LGALS3BP: variants seen among roughly 807,000 people sequenced by gnomAD.
LGALS3BP encodes the protein galectin 3 binding protein, also known as galectin-3-binding protein.
In LGALS3BP, 25 loss-of-function variants were observed where a neutral mutation model predicts 22.9. The observed-to-expected ratio is 1.09, with a 90% CI of 0.80 to 1.53. LGALS3BP has a LOEUF of 1.53. Ranked by LOEUF, LGALS3BP falls within the 40% of genes most tolerant of loss-of-function variation. The pLI, the probability that LGALS3BP is intolerant of heterozygous loss-of-function variation, is 0.00. For synonymous variants in LGALS3BP, 335 were observed against 331.1 expected, an observed-to-expected ratio of 1.01 and a Z score of -0.13; for missense variants, 718 against 752.0, an observed-to-expected ratio of 0.95 and a Z score of 0.53.
chr17:78,975,791 CAAAAAAAAAAAAA>C (rs60470107), intron 3 of LGALS3BP, among the ~76,000 whole-genome samples, 161 bp downstream of exon 3: 5 of 52,216 alleles, frequency 9.6e-5, no homozygotes, highest in Admixed American at 3.0e-4. Flanking sequence ...GACTCCATCT[CAAAAAAAAAAAAA>C]AAAAAAAAAA....
At position 78,974,439 on chromosome 17, in the gene LGALS3BP, G is replaced by A. The variant is rs561936720; in HGVS notation, c.376+249C>T. ...AACTGTGGCTCACTGCCCCACACTCGGGTTCTGCATGGAGACTTGGTGGTT... is the reference window on the plus strand; with the variant it reads ...AACTGTGGCTCACTGCCCCACACTCAGGTTCTGCATGGAGACTTGGTGGTT... On this transcript the variant is annotated intron_variant, in intron 4 of 5. Coordinates refer to ENST00000262776, the MANE Select transcript of LGALS3BP (RefSeq NM_005567.4). Among the ~76,000 whole-genome samples, 46 of 152,362 alleles carry A rather than the reference G, an allele frequency of 3.0e-4. 1 individual carries two copies. The highest frequency in any genetic ancestry group is 9.9e-4 in the African/African-American group (41 of 41,576).
chr17:78,972,695 G>T lies in LGALS3BP; in HGVS notation c.639C>A (p.Tyr213Ter). Reference protein sequence around the residue: ...PMVRDLLRYFYSRRIDITLSS... With the variant: ...PMVRDLLRYF ...ACAGGGTGATGTCAATCCTTCGGGA[G>T]TAGAAGTACCTGGGGAGAAAGAAGG... is the stretch of plus-strand genomic sequence containing the variant. The change falls in exon 6 of 6, where the codon TAC becomes TAA. Residue 213 changes from tyrosine to a stop codon, truncating the protein, a stop_gained. Transcript: ENST00000262776. LOFTEE classifies it low-confidence loss of function (END_TRUNC). The surrounding 1 kb of genome is among the most constrained non-coding windows in gnomAD (Gnocchi z 5.1). 1 of 1,516,734 alleles carries T rather than the reference G, an allele frequency of 6.6e-7. No individual in the cohort carries two copies. The highest frequency in any genetic ancestry group is 8.8e-7 in the Non-Finnish European group (1 of 1,132,670). 94.0% of individuals were successfully genotyped at this position (1,516,734 alleles called of 1,614,324 possible). A position where few individuals can be genotyped will look rare whatever the true frequency, so the allele number is the denominator to read the frequency against.
In LGALS3BP at chr17:78,973,319, C is replaced by T. The variant is rs1156886988; in HGVS notation, c.377-97G>A. ...TCATCTGAAAGTGAGGGATTTGTGG[C>T]TGCCTCATTCACTCTGGAAGGCTCC... On this transcript the variant is annotated intron_variant, in intron 4 of 5. Coordinates refer to ENST00000262776, the MANE Select transcript of LGALS3BP (RefSeq NM_005567.4). This position sits in a 1 kb window ranked among gnomAD's most constrained non-coding sequence, Gnocchi z 5.8. 7.5e-7 allele frequency: 1 copy of T among 1,334,142 alleles called. No individual in the cohort carries two copies. Among genetic ancestry groups the T allele is most frequent in the South Asian group, 1.5e-5 (1 of 65,446 alleles). The allele number at this position is 1,334,142 out of a possible 1,614,324, so 82.6% of individuals were successfully genotyped here. A position where few individuals can be genotyped will look rare whatever the true frequency, so the allele number is the denominator to read the frequency against.
At chr17:78,974,617 C>T in intron 4 of LGALS3BP, 71 bp downstream of exon 4, 1 of 1,538,028 alleles carries the variant, frequency 6.5e-7, no homozygotes, top group Non-Finnish European at 8.8e-7. Flanking sequence ...GGGGGTGGTG[C>T]TGGGAGGGGC....
intron 3 of LGALS3BP, among the ~76,000 whole-genome samples, chr17:78,975,615 ACT>A (rs2070712783): frequency 6.6e-6 from 1 of 151,830 alleles, no homozygotes; most frequent in African/African-American, 2.4e-5. Flanking sequence ...ACATGGTGAA[ACT>A]CTGTCTCTAC....
At chr17:78,975,927 G>A in intron 3 of LGALS3BP, 38 bp downstream of exon 3, 3 of 1,498,056 alleles carry the variant, frequency 2.0e-6, no homozygotes, top group Non-Finnish European at 2.7e-6. Flanking sequence ...GCTGTGCTGT[G>A]GGTCTCAGCC....
chr17:78,971,474 G>T lies in LGALS3BP; in HGVS notation c.*102C>A. ...TGAGTAGGGCGACATCTGGTGGCCG[G>T]TTGTTGAAGGTCATTGCAGAGAGGA... On this transcript the variant is annotated 3_prime_UTR_variant, in exon 6 of 6. Coordinates refer to ENST00000262776, the MANE Select transcript of LGALS3BP (RefSeq NM_005567.4). The surrounding 1 kb of genome is among the most constrained non-coding windows in gnomAD (Gnocchi z 5.6). 1 of 1,087,922 alleles carries T rather than the reference G, an allele frequency of 9.2e-7. No individual in the cohort carries two copies. The highest frequency in any genetic ancestry group is 1.3e-6 in the Non-Finnish European group (1 of 767,646). 67.4% of individuals were successfully genotyped at this position (1,087,922 alleles called of 1,614,324 possible). A position where few individuals can be genotyped will look rare whatever the true frequency, so the allele number is the denominator to read the frequency against.
Position 78,978,474 on chromosome 17 carries a change from G to A in LGALS3BP, c.-23-1260C>T, listed in dbSNP as rs576741148. Among the ~76,000 whole-genome samples the A allele has an allele frequency of 5.9e-5, 9 of 152,352 alleles. No homozygotes were observed. The East Asian group carries it at 1.2e-3, about 20-fold the overall frequency. On this transcript the variant is annotated intron_variant, in intron 1 of 5. Transcript: ENST00000262776. ...TGAGCTGACACCCAGAGAGGCAAATGGGCTCCACATCCACAGTCAGTGAGC... is the reference window on the plus strand; with the variant it reads ...TGAGCTGACACCCAGAGAGGCAAATAGGCTCCACATCCACAGTCAGTGAGC...
In LGALS3BP at chr17:78,976,021, C is replaced by G; in HGVS notation, c.188G>C (p.Arg63Pro). 1 of 1,612,584 alleles carries G rather than the reference C, an allele frequency of 6.2e-7. No individual in the cohort carries two copies. Among genetic ancestry groups the G allele is most frequent in the Non-Finnish European group, 8.5e-7 (1 of 1,179,812 alleles). Residue 63 changes from arginine to proline, a missense_variant, in exon 3 of 6, where the codon CGG becomes CCG. By Grantham distance (103) the Arg-to-Pro change is moderately radical (BLOSUM62 -2). Coordinates refer to ENST00000262776, the MANE Select transcript of LGALS3BP (RefSeq NM_005567.4). This position sits in a 1 kb window ranked among gnomAD's most constrained non-coding sequence, Gnocchi z 4.6. The stretch of plus-strand genomic sequence containing the variant: ...GGTGGCGTTCTCGAAGCCCAGGGCC[C>G]GGCAGACGACGCTGGCATCAGTCAG... ...WDLTDASVVCRALGFENATQA... is the reference protein window; with the variant it reads ...WDLTDASVVCPALGFENATQA...
rs940450931 is a variant in LGALS3BP at position 78,971,359 on chromosome 17, T to C, written c.*217A>G. 9 of 576,354 alleles carry C rather than the reference T, an allele frequency of 1.6e-5. No homozygotes were observed. Among genetic ancestry groups the C allele is most frequent in the Non-Finnish European group, 2.8e-5 (9 of 325,532 alleles). The allele number at this position is 576,354 out of a possible 1,614,324, so 35.7% of individuals were successfully genotyped here. On this transcript the variant is annotated 3_prime_UTR_variant, in exon 6 of 6. Coordinates refer to ENST00000262776, the MANE Select transcript of LGALS3BP (RefSeq NM_005567.4). This position sits in a 1 kb window ranked among gnomAD's most constrained non-coding sequence, Gnocchi z 5.6. The stretch of plus-strand genomic sequence containing the variant: ...GCAACCTCGAGGGCGTCCTGGTGCT[T>C]ACCACCTGGAAACTGGTGAGGTGGT...
rs2070677759 is a variant in LGALS3BP at position 78,972,143 on chromosome 17, C to T, written c.1191G>A (p.Leu397=). 1.2e-6 allele frequency: 2 copies of T among 1,613,800 alleles called. No individual in the cohort carries two copies. Among genetic ancestry groups the T allele is most frequent in the Non-Finnish European group, 1.7e-6 (2 of 1,179,924 alleles). Residue 397 remains leucine, a synonymous_variant, in exon 6 of 6, where the codon CTG becomes CTA. Coordinates refer to ENST00000262776, the MANE Select transcript of LGALS3BP (RefSeq NM_005567.4). This position sits in a 1 kb window ranked among gnomAD's most constrained non-coding sequence, Gnocchi z 5.1. ...PFQLLARYKG[L]NLTEDTYKPR... ...GCTTGTAGGTATCCTCGGTGAGGTTCAGGCCTTTGTACCGGGCCAGCAACT... is the reference window on the plus strand; with the variant it reads ...GCTTGTAGGTATCCTCGGTGAGGTTTAGGCCTTTGTACCGGGCCAGCAACT...
Position 78,976,310 on chromosome 17 carries a change from G to A in LGALS3BP, c.53-154C>T, listed in dbSNP as rs746566008. On this transcript the variant is annotated intron_variant, in intron 2 of 5. Transcript: ENST00000262776. This position sits in a 1 kb window ranked among gnomAD's most constrained non-coding sequence, Gnocchi z 4.6. ...CTCTCCATGAGGGGCACCTCCATGAGGGAGGAGTGGAAGATACATACAGCC... is the reference window on the plus strand; with the variant it reads ...CTCTCCATGAGGGGCACCTCCATGAAGGAGGAGTGGAAGATACATACAGCC... 9.6e-4 allele frequency among the ~76,000 whole-genome samples: 146 copies of A among 152,358 alleles called. No individual in the cohort carries two copies. Among genetic ancestry groups the A allele is most frequent in the Admixed American group, 2.0e-3 (30 of 15,308 alleles).
rs752934871 is a variant in LGALS3BP at position 78,971,804 on chromosome 17, G to T, written c.1530C>A (p.Gly510=). 1.2e-5 allele frequency: 19 copies of T among 1,613,962 alleles called. No homozygotes were observed. Among genetic ancestry groups the T allele is most frequent in the Middle Eastern group, 1.6e-4 (1 of 6,080 alleles). ...CGTAGGCAATGGTGCGATCTGAGCC[G>T]CCAGACTTGGTGAGGCCCAGGACAG... ...ELPVLGLTKS[G]GSDRTIAYEN... is the part of the protein sequence containing the mutation. The change falls in exon 6 of 6, where the codon GGC becomes GGA. Residue 510 remains glycine, a synonymous_variant. Transcript: ENST00000262776. The surrounding 1 kb of genome is among the most constrained non-coding windows in gnomAD (Gnocchi z 5.6).
At position 78,972,572 on chromosome 17, in the gene LGALS3BP, G is replaced by A. The variant is rs139932222; in HGVS notation, c.762C>T (p.Asp254=). The change falls in exon 6 of 6, where the codon GAC becomes GAT. Residue 254 remains aspartate (D), a synonymous_variant. Transcript: ENST00000262776. The surrounding 1 kb of genome is among the most constrained non-coding windows in gnomAD (Gnocchi z 5.1). ...GGTCCAGGGGCATCTGGAACGAGGG[G>A]TCCTGGGGGAGGAGGATGGCAAAGA... ...ASLFAILLPQ[D]PSFQMPLDLY... 9.6e-5 allele frequency: 153 copies of A among 1,601,628 alleles called. 1 individual carries two copies. In the African/African-American group the frequency reaches 2.0e-3, roughly 21 times the overall value.
rs60470107 is a variant in LGALS3BP at position 78,975,791 on chromosome 17, CAAAAAAAAAAAAAA to C, written c.244+160_244+173del. Among the ~76,000 whole-genome samples the C allele has an allele frequency of 1.6e-3, 84 of 52,256 alleles. 1 individual carries two copies. Among genetic ancestry groups the C allele is most frequent in the African/African-American group, 4.6e-3 (68 of 14,814 alleles). 34.3% of individuals were successfully genotyped at this position (52,256 alleles called of 152,430 possible). On this transcript the variant is annotated intron_variant, in intron 3 of 5. Transcript: ENST00000262776. ...TGGGCAACAGAGCGAGACTCCATCTCAAAAAAAAAAAAAAAAAAAAAAAAAAAAAAAAGTGTTTG... is the reference window on the plus strand; with the variant it reads ...TGGGCAACAGAGCGAGACTCCATCTCAAAAAAAAAAAAAAAAAAGTGTTTG...
At position 78,972,063 on chromosome 17, in the gene LGALS3BP, C is replaced by A; in HGVS notation, c.1271G>T (p.Ser424Ile). The A allele has an allele frequency of 6.2e-7, 1 of 1,613,962 alleles. No homozygotes were observed. The highest frequency in any genetic ancestry group is 8.5e-7 in the Non-Finnish European group (1 of 1,179,940). Reference sequence around the variant, plus strand: ...ATAGACCAGTTGTGACTTCCGTGCACTCCAGGAACTGTCTGTCACAAAGGC... The same window carrying A: ...ATAGACCAGTTGTGACTTCCGTGCAATCCAGGAACTGTCTGTCACAAAGGC... ...WSAFVTDSSW[S>I]ARKSQLVYQS... The change falls in exon 6 of 6, where the codon AGT (serine) becomes ATT (isoleucine). Residue 424 changes from serine to isoleucine, a missense_variant. Ser to Ile is a moderately radical substitution (Grantham distance 142). Transcript: ENST00000262776. This position sits in a 1 kb window ranked among gnomAD's most constrained non-coding sequence, Gnocchi z 5.1.
chr17:78,977,605 G>A (rs192386355), intron 1 of LGALS3BP: 159 of 216,740 alleles, frequency 7.3e-4, no homozygotes, highest in African/African-American at 3.4e-3. Context: ...GGCCCAGGTC[G>A]GGAGGCCGGG....
rs201260827 is a variant in LGALS3BP, at chr17:78,973,081, G to A, written c.518C>T (p.Thr173Met). The change falls in exon 5 of 6, where the codon ACG becomes ATG. Residue 173 changes from threonine to methionine, a missense_variant. Physicochemically the swap from Thr to Met is moderately conservative, Grantham distance 81. Coordinates refer to ENST00000262776, the MANE Select transcript of LGALS3BP (RefSeq NM_005567.4). This position sits in a 1 kb window ranked among gnomAD's most constrained non-coding sequence, Gnocchi z 5.8. ...CTCCAGGTTGGCAGTCAGGATGACC[G>A]TGTGGCCACAGAAGCCCAGGGCGTC... The part of the protein sequence containing the change: ...GEDALGFCGH[T>M]VILTANLEAQ... 1.3e-4 allele frequency: 208 copies of A among 1,613,776 alleles called. No homozygotes were observed. In the East Asian group the frequency reaches 3.9e-3, roughly 30 times the overall value.
At chr17:78,974,951 C>T (rs2070707588) in intron 3 of LGALS3BP, 132 bp from the exon 4 acceptor site, 1 of 1,154,514 alleles carries the variant, frequency 8.7e-7, no homozygotes, top group East Asian at 2.6e-5. Context: ...ACCAGCGAAC[C>T]ACGGAGGATA....
Sources: gnomAD v4.1 joint callset for allele counts (sites outside exome capture counted in the v4.1 genomes callset) on GRCh38, gnomAD v4.1.1 for gene constraint, Gnocchi (gnomAD v3.1) non-coding constraint, MANE v1.5 for transcripts, NCBI Gene and HGNC (gene_info 2026-07-23, HGNC 2026-07-21) for gene names.